The following UMOD variants were observed in gnomAD, a reference collection of about 807,000 sequenced individuals.
UMOD encodes Tamm-Horsfall urinary glycoprotein.
In UMOD, 64 loss-of-function variants were observed where a neutral mutation model predicts 66.0. That is an observed-to-expected ratio of 0.97 (90% confidence interval 0.79 to 1.19). The LOEUF (loss-of-function observed/expected upper bound fraction) is 1.19, where lower values mean the gene tolerates loss of function less well. UMOD is among the 50% of genes most tolerant of loss of function. The pLI is 0.00. For missense variants in UMOD, 764 were observed against 850.9 expected (o/e 0.90, Z 1.27); for synonymous variants, 398 against 352.7 (o/e 1.13, Z -1.44).
chr16:20,352,517 A>G (rs76563024), intron 1 of UMOD, 172 bp downstream of exon 1: 16,875 of 421,662 alleles, frequency 0.04, 869 homozygotes, highest in South Asian at 0.17. Context: ...GACAGAGAGG[A>G]TCAAAGAGAG....
At chr16:20,346,014 GAGGCACAGCCAGGCTAAA>G in intron 5 of UMOD, 94 bp downstream of exon 5, 1 of 960,684 alleles carries the variant, frequency 1.0e-6, no homozygotes, top group Non-Finnish European at 1.6e-6. Context: ...TGATGAAACT[GAGGCACAGCCAGGCTAAA>G]TAACTCCCCA....
chr16:20,344,073 G>T lies in UMOD; in HGVS notation c.1282C>A (p.Pro428Thr). 2 of 1,613,988 alleles carry T rather than the reference G, an allele frequency of 1.2e-6. No homozygotes were observed. The highest frequency in any genetic ancestry group is 1.7e-6 in the Non-Finnish European group (2 of 1,180,034). ...NIKINFACSYPLDMKVSLKTA... is the reference protein window; with the variant it reads ...NIKINFACSYTLDMKVSLKTA... ...TTCAGGCTGACTTTCATGTCCAGGG[G>T]GTAGGAGCATGCAAAGTTGATTTTG... The change falls in exon 6 of 11, where the codon CCC becomes ACC. Residue 428 changes from proline to threonine, a missense_variant. By Grantham distance (38) the Pro-to-Thr change is conservative. Transcript: ENST00000396138.
At position 20,337,466 on chromosome 16, in the gene UMOD, C is replaced by T. The variant is rs937746287; in HGVS notation, c.1578-13G>A. The T allele has an allele frequency of 1.9e-6, 3 of 1,614,188 alleles. No individual in the cohort carries two copies. On this transcript the variant is annotated splice_polypyrimidine_tract_variant and intron_variant, in intron 7 of 10. Transcript: ENST00000396138. Reference sequence around the variant, plus strand: ...AGTGTGTGGGCATCTGGGAGGGTTACACATCATTTAATGTGGTTGGTTAAA... The same window carrying T: ...AGTGTGTGGGCATCTGGGAGGGTTATACATCATTTAATGTGGTTGGTTAAA...
intron 10 of UMOD, among the ~76,000 whole-genome samples, chr16:20,334,926 T>A (rs1964792380): frequency 6.6e-6 from 1 of 151,170 alleles, no homozygotes; most frequent in Non-Finnish European, 1.5e-5. Flanking sequence ...CTGCCCCCCG[T>A]GGTTCAAGCC....
chr16:20,349,576 A>T, intron 2 of UMOD: 1 of 1,252,350 alleles, frequency 8.0e-7, no homozygotes, highest in South Asian at 1.7e-5. Context: ...TCAGCTTCCC[A>T]AAAAGTTGGG....
At position 20,341,244 on chromosome 16, in the gene UMOD, G is replaced by A; in HGVS notation, c.1424C>T (p.Ser475Phe). The A allele has an allele frequency of 1.2e-6, 2 of 1,614,138 alleles. No individual in the cohort carries two copies. Among genetic ancestry groups the A allele is most frequent in the South Asian group, 2.2e-5 (2 of 91,086 alleles). The change falls in exon 7 of 11, where the codon TCC (serine) becomes TTC (phenylalanine). Residue 475 changes from serine to phenylalanine, a missense_variant. Ser to Phe is a radical substitution (Grantham distance 155). Coordinates refer to ENST00000396138, the MANE Select transcript of UMOD (RefSeq NM_003361.4). ...TPSYTQPYQG[S>F]SVTLSTEAFL... is the part of the protein sequence containing the mutation. ...AGCCTCAGTGGACAGTGTCACGGAG[G>A]AGCCTTGGTAGGGCTGCGTGTAGGA...
chr16:20,355,423 T>A (rs1229717605), upstream of UMOD, among the ~76,000 whole-genome samples: 1 of 150,990 alleles, frequency 6.6e-6, no homozygotes, highest in African/African-American at 2.4e-5. Context: ...TTTTTTTTTT[T>A]AATGGAGTCT....
chr16:20,338,476 G>A lies in UMOD; in HGVS notation c.1578-1023C>T, dbSNP rs370195945. On this transcript the variant is annotated intron_variant, in intron 7 of 10. Coordinates refer to ENST00000396138, the MANE Select transcript of UMOD (RefSeq NM_003361.4). ...TTTTTCAAAACTTTCCAAGTTTTCC[G>A]CAATGTCCCTGCTGTACTTTTATTT... is the stretch of plus-strand genomic sequence containing the variant. Among the ~76,000 whole-genome samples the A allele has an allele frequency of 1.6e-3, 244 of 152,136 alleles. 2 individuals carry two copies. The South Asian group carries it at 0.028, about 18-fold the overall frequency.
At chr16:20,339,766 C>G (rs1180388113) in intron 7 of UMOD, among the ~76,000 whole-genome samples, 1 of 152,178 alleles carries the variant, frequency 6.6e-6, no homozygotes, top group African/African-American at 2.4e-5. Context: ...AATAGTTGGC[C>G]CTCCCCCTTT....
intron 1 of UMOD, chr16:20,351,066 C>T: frequency 2.6e-6 from 1 of 388,110 alleles, no homozygotes; most frequent in Non-Finnish European, 4.9e-6. Flanking sequence ...GCACATTGCA[C>T]ATTTTGAAGA....
At position 20,336,724 on chromosome 16, in the gene UMOD, A is replaced by C. The variant is rs1964893452; in HGVS notation, c.1744T>G (p.Cys582Gly). The C allele has an allele frequency of 6.2e-7, 1 of 1,613,956 alleles. No individual in the cohort carries two copies. Among genetic ancestry groups the C allele is most frequent in the African/African-American group, 1.3e-5 (1 of 74,938 alleles). ...CCACTTCGGAATCTGGTCCCAGAGC[A>C]GGTCTACAGGGAGAGGGCAATAGAA... Reference protein sequence around the residue: ...DTMNEKCKPTCSGTRFRSGSV... With the variant: ...DTMNEKCKPTGSGTRFRSGSV... Residue 582 changes from cysteine to glycine, a missense_variant, in exon 9 of 11, where the codon TGC becomes GGC. Physicochemically the swap from Cys to Gly is radical, Grantham distance 159. Coordinates refer to ENST00000396138, the MANE Select transcript of UMOD (RefSeq NM_003361.4).
rs543704433 is a variant in UMOD at position 20,346,594 on chromosome 16, G to C, written c.974-260C>G. Reference sequence around the variant, plus strand: ...TACCAAATGCAGGACGGTTTTGGGGGGTTTTGATGTCCCAGCATTAAATAA... The same window carrying C: ...TACCAAATGCAGGACGGTTTTGGGGCGTTTTGATGTCCCAGCATTAAATAA... On this transcript the variant is annotated intron_variant, in intron 4 of 10. Transcript: ENST00000396138. 2.0e-5 allele frequency among the ~76,000 whole-genome samples: 3 copies of C among 152,188 alleles called. No homozygotes were observed. In the South Asian group the frequency reaches 6.2e-4, roughly 32 times the overall value.
intron 5 of UMOD, among the ~76,000 whole-genome samples, chr16:20,344,495 C>T (rs553701688): frequency 4.6e-5 from 7 of 151,356 alleles, no homozygotes; most frequent in East Asian, 2.0e-4. Flanking sequence ...CCCAACTACT[C>T]GGGAGGCTGA....
At chr16:20,335,693 T>G (rs1046616754) in intron 9 of UMOD, among the ~76,000 whole-genome samples, 173 bp from the exon 10 acceptor site, 1 of 152,196 alleles carries the variant, frequency 6.6e-6, no homozygotes, top group Non-Finnish European at 1.5e-5. Flanking sequence ...TCTCACTGCT[T>G]TCAGGAGAAA....
upstream of UMOD, among the ~76,000 whole-genome samples, chr16:20,353,576 C>T (rs1377766865): frequency 6.6e-5 from 10 of 152,174 alleles, no homozygotes; most frequent in Non-Finnish European, 1.2e-4. Context: ...TTCTGCTTTG[C>T]TGTTGTGCAA....
intron 7 of UMOD, among the ~76,000 whole-genome samples, chr16:20,339,123 C>T (rs750050978): frequency 1.3e-5 from 2 of 152,190 alleles, no homozygotes; most frequent in African/African-American, 2.4e-5. Flanking sequence ...CCATTTACGT[C>T]TGAGAATAGA....
intron 4 of UMOD, among the ~76,000 whole-genome samples, chr16:20,347,185 C>T (rs1459122254): frequency 6.6e-6 from 1 of 152,126 alleles, no homozygotes; most frequent in Non-Finnish European, 1.5e-5. Context: ...ACCAGACTCA[C>T]CTAGTTTTTG....
rs1313544461 is a variant in UMOD, at chr16:20,348,637, G to T, written c.664C>A (p.Arg222Ser). ...RMAETCVPVL[R>S]CNTAAPMWLN... ...CACATGGGGGCGGCCGTGTTGCAGC[G>T]CAGGACTGGCACGCAGGTCTCGGCC... Residue 222 changes from arginine (R) to serine (S), a missense_variant, in exon 3 of 11, where the codon CGC becomes AGC. Arg to Ser is a moderately radical substitution (Grantham distance 110). Transcript: ENST00000396138. 7.0e-6 allele frequency: 11 copies of T among 1,574,274 alleles called. No homozygotes were observed. Among genetic ancestry groups the T allele is most frequent in the African/African-American group, 1.3e-5 (1 of 74,276 alleles).
At chr16:20,353,856 A>C (rs1274147760), upstream of UMOD, among the ~76,000 whole-genome samples, 1 of 151,988 alleles carries the variant, frequency 6.6e-6, no homozygotes, top group Non-Finnish European at 1.5e-5. Flanking sequence ...TGCTGCACCC[A>C]TTAACTTGTC....
Sources: allele counts gnomAD v4.1 joint callset (sites outside exome capture counted in the v4.1 genomes callset), GRCh38; gene constraint gnomAD v4.1.1; transcripts MANE v1.5; gene names NCBI Gene and HGNC (gene_info 2026-07-23, HGNC 2026-07-21).